The following SHE variants were observed in gnomAD, a reference collection of about 807,000 sequenced individuals.
The protein encoded by SHE is Src homology 2 domain containing E.
A neutral mutation model predicts 49.8 loss-of-function variants in SHE; 11 were observed. The observed-to-expected ratio is 0.22, with a 90% CI of 0.14 to 0.37. The LOEUF (loss-of-function observed/expected upper bound fraction) is 0.37, where lower values mean the gene tolerates loss of function less well. SHE is among the 10% of genes least tolerant of loss of function. The probability of loss-of-function intolerance (pLI) is 1.00; values close to 1 mark genes in which losing one functional copy is unlikely to be tolerated. For missense variants in SHE, 624 were observed against 655.5 expected (o/e 0.95, Z 0.52); for synonymous variants, 310 against 278.1 (o/e 1.11, Z -1.14).
At chr1:154,477,928 AC>A (rs1244448017), downstream of SHE, among the ~76,000 whole-genome samples, 1 of 150,526 alleles carries the variant, frequency 6.6e-6, no homozygotes, top group Non-Finnish European at 1.5e-5. Context: ...AGAAAAGAAA[AC>A]TCTGCACTCA....
chr1:154,484,808 CA>C (rs1557796758), intron 5 of SHE: 2 of 152,064 alleles, frequency 1.3e-5, no homozygotes, highest in African/African-American at 2.4e-5. Flanking sequence ...CTAAAAAATA[CA>C]AAAAAATTAG....
chr1:154,489,973 G>T (rs377320266), intron 2 of SHE, among the ~76,000 whole-genome samples: 22 of 152,336 alleles, frequency 1.4e-4, no homozygotes, highest in African/African-American at 5.0e-4. Flanking sequence ...CAGAATGGCT[G>T]TATGTGACTC....
At chr1:154,488,083 C>T (rs189301923) in intron 3 of SHE, among the ~76,000 whole-genome samples, 105 of 150,512 alleles carry the variant, frequency 7.0e-4, no homozygotes, top group African/African-American at 2.5e-3. Context: ...GCTGGGACTA[C>T]AGGTGCGTGC....
At chr1:154,487,930 A>G (rs977794673) in intron 3 of SHE, among the ~76,000 whole-genome samples, 3 of 148,184 alleles carry the variant, frequency 2.0e-5, no homozygotes, top group Admixed American at 2.0e-4. Flanking sequence ...CACCCTTTAC[A>G]TTGGTTATAC....
chr1:154,482,496 A>T lies in SHE; in HGVS notation c.*1653T>A. The T allele has an allele frequency of 7.1e-6, 7 of 985,424 alleles. No homozygotes were observed. The highest frequency in any genetic ancestry group is 8.4e-6 in the Non-Finnish European group (7 of 829,906). The allele number at this position is 985,424 out of a possible 1,614,324, so 61.0% of individuals were successfully genotyped here. Reference sequence around the variant, plus strand: ...AACTACAAAGGTATACTTTCCTAAAAAATTAACCAAATCAACATTTTGTGT... The same window carrying T: ...AACTACAAAGGTATACTTTCCTAAATAATTAACCAAATCAACATTTTGTGT... On this transcript the variant is annotated 3_prime_UTR_variant, in exon 6 of 6. Coordinates refer to ENST00000304760, the MANE Select transcript of SHE (RefSeq NM_001010846.3).
chr1:154,502,069 A>C lies in SHE; in HGVS notation c.-43T>G. 2 of 1,237,776 alleles carry C rather than the reference A, an allele frequency of 1.6e-6. No individual in the cohort carries two copies. The highest frequency in any genetic ancestry group is 4.3e-5 in the Admixed American group (1 of 23,492). 76.7% of individuals were successfully genotyped at this position (1,237,776 alleles called of 1,614,324 possible). A position where few individuals can be genotyped will look rare whatever the true frequency, so the allele number is the denominator to read the frequency against. ...CTGGAGGCCGCGGCGAGGCCCCGCG[A>C]CGGCTGCTCCGTGCGCCCCCGGCCG... On this transcript the variant is annotated 5_prime_UTR_variant, in exon 1 of 6. Coordinates refer to ENST00000304760, the MANE Select transcript of SHE (RefSeq NM_001010846.3).
intron 3 of SHE, among the ~76,000 whole-genome samples, chr1:154,488,528 G>A (rs1023023687): frequency 1.1e-4 from 17 of 151,428 alleles, no homozygotes; most frequent in Middle Eastern, 3.5e-3. Context: ...AAAGTGCAGG[G>A]ATTACAGGTG....
intron 2 of SHE, 78 bp from the exon 3 acceptor site, chr1:154,489,434 T>C: frequency 1.3e-6 from 2 of 1,521,792 alleles, no homozygotes; most frequent in Middle Eastern, 1.8e-4. Context: ...AAAAGCCTGG[T>C]CATTAACCCA....
chr1:154,487,412 A>T (rs546992725), intron 3 of SHE, among the ~76,000 whole-genome samples: 1 of 152,180 alleles, frequency 6.6e-6, no homozygotes, highest in Non-Finnish European at 1.5e-5. Context: ...TGAAATAATA[A>T]AACAAAAAGA....
At chr1:154,470,197 A>G (rs970888094) in exon 2 of SHE, 3 of 630,320 alleles carry the variant, frequency 4.8e-6, no homozygotes, top group Non-Finnish European at 7.5e-6. Context: ...CAGGGACCAG[A>G]TGTCACCCAG....
downstream of SHE, among the ~76,000 whole-genome samples, chr1:154,479,004 T>G (rs1465691282): frequency 6.6e-6 from 1 of 152,216 alleles, no homozygotes; most frequent in Non-Finnish European, 1.5e-5. Flanking sequence ...CATTTCCAAA[T>G]AGGAGCTTCC....
At chr1:154,500,613 A>G (rs55664959) in intron 1 of SHE, among the ~76,000 whole-genome samples, 9,059 of 152,158 alleles carry the variant, frequency 0.06, 928 homozygotes, top group African/African-American at 0.21. Context: ...CCCCTTTCAC[A>G]TCGGAGAGAA....
At chr1:154,499,327 T>C in intron 1 of SHE, 89 bp from the exon 2 acceptor site, 3 of 1,444,444 alleles carry the variant, frequency 2.1e-6, no homozygotes, top group Non-Finnish European at 2.8e-6. Context: ...ATCTCCTGCA[T>C]ATCCAAGGAG....
At position 154,483,868 on chromosome 1, in the gene SHE, C is replaced by T. The variant is rs781385030; in HGVS notation, c.*281G>A. On this transcript the variant is annotated 3_prime_UTR_variant, in exon 6 of 6. Transcript: ENST00000304760. Reference sequence around the variant, plus strand: ...AAAAAATTAGCTGGGAGTGGTGGTGCGAACCTATAGTCCCACCTACTTGGG... The same window carrying T: ...AAAAAATTAGCTGGGAGTGGTGGTGTGAACCTATAGTCCCACCTACTTGGG... 3.6e-5 allele frequency: 34 copies of T among 933,036 alleles called. No individual in the cohort carries two copies. Among genetic ancestry groups the T allele is most frequent in the South Asian group, 1.2e-4 (3 of 25,298 alleles). 57.8% of individuals were successfully genotyped at this position (933,036 alleles called of 1,614,324 possible).
At position 154,483,141 on chromosome 1, in the gene SHE, C is replaced by T; in HGVS notation, c.*1008G>A. 1.0e-6 allele frequency: 1 copy of T among 985,160 alleles called. No individual in the cohort carries two copies. 61.0% of individuals were successfully genotyped at this position (985,160 alleles called of 1,614,324 possible). ...AGAATTCTAATAATGATGCCAATGCCTAATGATATTGGTGATTCTTAAACC... is the reference window on the plus strand; with the variant it reads ...AGAATTCTAATAATGATGCCAATGCTTAATGATATTGGTGATTCTTAAACC... On this transcript the variant is annotated 3_prime_UTR_variant, in exon 6 of 6. Coordinates refer to ENST00000304760, the MANE Select transcript of SHE (RefSeq NM_001010846.3).
At position 154,501,956 on chromosome 1, in the gene SHE, G is replaced by A. The variant is rs541896340; in HGVS notation, c.71C>T (p.Ala24Val). The change falls in exon 1 of 6, where the codon GCC becomes GTC. Residue 24 changes from alanine (A) to valine (V), a missense_variant. By Grantham distance (64) the Ala-to-Val change is moderately conservative. Transcript: ENST00000304760. Reference protein sequence around the residue: ...GWASSLACSTAPTLLGRAGRG... With the variant: ...GWASSLACSTVPTLLGRAGRG... ...GCCGGCTCGGCCCAGGAGCGTCGGG[G>A]CCGTGGAGCAGGCGAGCGAGGAAGC... 2.9e-4 allele frequency: 412 copies of A among 1,439,336 alleles called. 1 individual carries two copies. The African/African-American group carries it at 4.9e-3, about 17-fold the overall frequency. The allele number at this position is 1,439,336 out of a possible 1,614,324, so 89.2% of individuals were successfully genotyped here.
At chr1:154,495,598 C>T (rs879659568) in intron 2 of SHE, among the ~76,000 whole-genome samples, 2 of 152,080 alleles carry the variant, frequency 1.3e-5, no homozygotes, top group Admixed American at 1.3e-4. Flanking sequence ...CTTCATGGCA[C>T]TTATCATGCT....
Position 154,501,562 on chromosome 1 carries a change from C to T in SHE, c.465G>A (p.Lys155=). 1 of 1,614,088 alleles carries T rather than the reference C, an allele frequency of 6.2e-7. No homozygotes were observed. Residue 155 remains lysine, a synonymous_variant, in exon 1 of 6, where the codon AAG becomes AAA. Transcript: ENST00000304760. The part of the protein sequence containing the change: ...NRLIKVDTQE[K]NGKSNYPSSS... ...TGCTGGGGTAGTTGCTCTTCCCGTTCTTCTCCTGAGTGTCCACCTTGATGA... is the reference window on the plus strand; with the variant it reads ...TGCTGGGGTAGTTGCTCTTCCCGTTTTTCTCCTGAGTGTCCACCTTGATGA...
Position 154,482,330 on chromosome 1 carries a change from A to G in SHE, c.*1819T>C. 1.0e-6 allele frequency: 1 copy of G among 985,294 alleles called. No individual in the cohort carries two copies. The highest frequency in any genetic ancestry group is 1.2e-6 in the Non-Finnish European group (1 of 829,892). 61.0% of individuals were successfully genotyped at this position (985,294 alleles called of 1,614,324 possible). A position where few individuals can be genotyped will look rare whatever the true frequency, so the allele number is the denominator to read the frequency against. On this transcript the variant is annotated 3_prime_UTR_variant, in exon 6 of 6. Coordinates refer to ENST00000304760, the MANE Select transcript of SHE (RefSeq NM_001010846.3). ...CACCCAGCCTACATTCTTTATTAAT[A>G]AAATCATTGTGTTCCAGTGAGGAAA...
Sources: allele counts gnomAD v4.1 joint callset (sites outside exome capture counted in the v4.1 genomes callset), GRCh38; gene constraint gnomAD v4.1.1; transcripts MANE v1.5; gene names NCBI Gene and HGNC (gene_info 2026-07-23, HGNC 2026-07-21).